Variants in C20orf203 observed in about 807,000 individuals in gnomAD.
C20orf203 encodes the protein uncharacterized protein C20orf203.
A neutral mutation model predicts 15.9 loss-of-function variants in C20orf203; 16 were observed. The observed-to-expected ratio is 1.01, with a 90% CI of 0.68 to 1.53. C20orf203 has a LOEUF of 1.53. Ranked by LOEUF, C20orf203 falls within the 40% of genes most tolerant of loss-of-function variation. C20orf203 has a pLI of 0.00. For synonymous variants in C20orf203, 98 were observed against 97.2 expected (o/e 1.01, Z -0.05); for missense variants, 263 against 247.5 (o/e 1.06, Z -0.42).
intron 1 of C20orf203, 96 bp downstream of exon 1, chr20:32,673,536 A>G (rs1983225087): frequency 6.6e-6 from 1 of 152,222 alleles, no homozygotes; most frequent in Admixed American, 6.6e-5. Flanking sequence ...AAAACCACAC[A>G]CTGGTCTTTC....
At chr20:32,665,349 T>C (rs1982992853) in intron 1 of C20orf203, among the ~76,000 whole-genome samples, 1 of 152,210 alleles carries the variant, frequency 6.6e-6, no homozygotes, top group Admixed American at 6.5e-5. Flanking sequence ...AGGTGGCCTT[T>C]TTGGCCAGCC....
Position 32,650,554 on chromosome 20 carries a change from G to T in C20orf203, c.463C>A (p.Leu155Met). Reference protein sequence around the residue: ...VGDFGQALSSLAWTSTCFQDF... With the variant: ...VGDFGQALSSMAWTSTCFQDF... ...TGGAAACATGTTGAGGTCCAGGCCA[G>T]CGAGGACAGAGCTTGGCCAAAGTCC... The change falls in exon 4 of 6, where the codon CTG becomes ATG. Residue 155 changes from leucine (L) to methionine (M), a missense_variant. By Grantham distance (15) the Leu-to-Met change is conservative (BLOSUM62 2). Transcript: ENST00000608990. 1 of 1,548,852 alleles carries T rather than the reference G, an allele frequency of 6.5e-7. No homozygotes were observed. Among genetic ancestry groups the T allele is most frequent in the Non-Finnish European group, 8.7e-7 (1 of 1,145,372 alleles).
At chr20:32,670,615 C>T (rs997459274) in intron 1 of C20orf203, among the ~76,000 whole-genome samples, 3 of 152,054 alleles carry the variant, frequency 2.0e-5, no homozygotes, top group South Asian at 2.1e-4. Context: ...GGGCGGATCA[C>T]GAGGTCAGGA....
intron 1 of C20orf203, among the ~76,000 whole-genome samples, chr20:32,665,022 C>T (rs1184342658): frequency 1.3e-5 from 2 of 152,252 alleles, no homozygotes; most frequent in Non-Finnish European, 2.9e-5. Flanking sequence ...ACCCAGGACC[C>T]CGCCCTTGGT....
chr20:32,661,342 G>C (rs6087963), intron 1 of C20orf203, among the ~76,000 whole-genome samples: 17,580 of 152,240 alleles, frequency 0.12, 1,459 homozygotes, highest in East Asian at 0.29. Context: ...CAGATGGGCA[G>C]ACATCACTTG....
At chr20:32,648,622 G>T (rs62208054) in intron 4 of C20orf203, among the ~76,000 whole-genome samples, 47,546 of 116,382 alleles carry the variant, frequency 0.41, 8,881 homozygotes, top group African/African-American at 0.47. Context: ...TTTTTTTTGT[G>T]TGTGTGTTTT....
intron 1 of C20orf203, among the ~76,000 whole-genome samples, chr20:32,662,655 C>T (rs955984620): frequency 6.6e-6 from 1 of 151,888 alleles, no homozygotes; most frequent in African/African-American, 2.4e-5. Context: ...AGATGTTCAA[C>T]TGAGGGGTCC....
rs908423392 is a variant in C20orf203, at chr20:32,650,879, G to A, written c.138C>T (p.Ala46=). The A allele has an allele frequency of 1.4e-6, 2 of 1,449,842 alleles. No individual in the cohort carries two copies. The highest frequency in any genetic ancestry group is 1.8e-6 in the Non-Finnish European group (2 of 1,098,914). The allele number at this position is 1,449,842 out of a possible 1,614,324, so 89.8% of individuals were successfully genotyped here. ...CAGTGAGTCCAGCCAAGACTGATGT[G>A]GCCTGTTGGGAACAAGGCCCCCAAG... ...PFTKTGMLSR[A]TSVLAGLTAH... Residue 46 remains alanine, a splice_region_variant and synonymous_variant, in exon 4 of 6, where the codon GCC becomes GCT. Transcript: ENST00000608990.
chr20:32,672,727 C>T (rs923320417), intron 1 of C20orf203, among the ~76,000 whole-genome samples: 5 of 152,122 alleles, frequency 3.3e-5, no homozygotes, highest in Admixed American at 6.5e-5. Context: ...TGGGACTCTT[C>T]CTCCTCTACC....
chr20:32,638,034 A>G (rs1037465988), intron 5 of C20orf203, among the ~76,000 whole-genome samples: 6 of 151,796 alleles, frequency 4.0e-5, no homozygotes, highest in African/African-American at 1.5e-4. Context: ...GTGTGTGTGT[A>G]TACAAAGCAG....
intron 1 of C20orf203, among the ~76,000 whole-genome samples, chr20:32,663,344 CTAAA>C (rs1273349602): frequency 6.6e-6 from 1 of 151,336 alleles, no homozygotes; most frequent in Non-Finnish European, 1.5e-5. Context: ...AAAAGAATGG[CTAAA>C]TAAATTATTA....
chr20:32,653,644 C>G (rs967106192), intron 1 of C20orf203, among the ~76,000 whole-genome samples: 1 of 152,082 alleles, frequency 6.6e-6, no homozygotes, highest in Admixed American at 6.6e-5. Context: ...TCCCCAAGAC[C>G]AGGAACAAGA....
At chr20:32,654,958 A>G (rs1982719629) in intron 1 of C20orf203, among the ~76,000 whole-genome samples, 2 of 152,248 alleles carry the variant, frequency 1.3e-5, no homozygotes, top group African/African-American at 4.8e-5. Context: ...AAGGACAGAC[A>G]TAGAGATCAA....
chr20:32,638,059 T>G (rs993300789), intron 5 of C20orf203, among the ~76,000 whole-genome samples: 3 of 152,048 alleles, frequency 2.0e-5, no homozygotes, highest in African/African-American at 7.2e-5. Context: ...CCCAATCTGA[T>G]GGCAGGAGGG....
intron 1 of C20orf203, among the ~76,000 whole-genome samples, chr20:32,653,585 A>G (rs905489324): frequency 6.6e-6 from 1 of 152,112 alleles, no homozygotes; most frequent in African/African-American, 2.4e-5. Flanking sequence ...TTCTAAGAAG[A>G]GTGTTCCTAC....
At chr20:32,664,671 C>T (rs139714866) in intron 1 of C20orf203, among the ~76,000 whole-genome samples, 102 of 152,304 alleles carry the variant, frequency 6.7e-4, no homozygotes, top group Non-Finnish European at 1.3e-3. Context: ...TTGGCAGTCC[C>T]CCACAGTGTG....
At chr20:32,670,440 G>C (rs537927939) in intron 1 of C20orf203, among the ~76,000 whole-genome samples, 1 of 151,980 alleles carries the variant, frequency 6.6e-6, no homozygotes, top group Non-Finnish European at 1.5e-5. Flanking sequence ...CTGGGAGGTG[G>C]AGGTTGCAGT....
chr20:32,647,759 C>G (rs1447840927), intron 4 of C20orf203, among the ~76,000 whole-genome samples: 1 of 152,126 alleles, frequency 6.6e-6, no homozygotes, highest in Non-Finnish European at 1.5e-5. Flanking sequence ...CAGTTCCCCA[C>G]CCGGAGTTGA....
At chr20:32,647,681 G>A (rs1982474410) in intron 4 of C20orf203, among the ~76,000 whole-genome samples, 1 of 152,120 alleles carries the variant, frequency 6.6e-6, no homozygotes, top group African/African-American at 2.4e-5. Context: ...CTCCAGCCTG[G>A]GTGACAGAGC....
Sources: gnomAD v4.1 joint callset for allele counts (sites outside exome capture counted in the v4.1 genomes callset) on GRCh38, gnomAD v4.1.1 for gene constraint, MANE v1.5 for transcripts, NCBI Gene and HGNC (gene_info 2026-07-23, HGNC 2026-07-21) for gene names.